PACRG: variants seen among roughly 807,000 people sequenced by gnomAD.
PACRG encodes the protein parkin coregulated.
PACRG carries 29 observed loss-of-function variants against 29.7 expected under a neutral mutation model. That is an observed-to-expected ratio of 0.98 (90% confidence interval 0.73 to 1.33). PACRG has a LOEUF of 1.33. PACRG is among the 40% of genes most tolerant of loss of function. The probability of loss-of-function intolerance (pLI) is 0.00; values close to 1 mark genes in which losing one functional copy is unlikely to be tolerated. For missense variants in PACRG, 279 were observed against 316.2 expected, an observed-to-expected ratio of 0.88 and a Z score of 0.89; for synonymous variants, 116 against 118.7, an observed-to-expected ratio of 0.98 and a Z score of 0.15.
chr6:162,767,429 G>T (rs1209980267), intron 1 of PACRG, among the ~76,000 whole-genome samples: 2 of 151,514 alleles, frequency 1.3e-5, no homozygotes, highest in Non-Finnish European at 3.0e-5. Context: ...CTTCCTTAAA[G>T]CCTATTTGCC....
chr6:163,220,291 A>C (rs1219393419), intron 4 of PACRG, among the ~76,000 whole-genome samples: 1 of 152,162 alleles, frequency 6.6e-6, no homozygotes, highest in Non-Finnish European at 1.5e-5. Context: ...CTCGTCTGTG[A>C]GTTTTTCCAT....
intron 4 of PACRG, among the ~76,000 whole-genome samples, chr6:163,096,640 C>A (rs918714680): frequency 1.3e-5 from 2 of 152,114 alleles, no homozygotes; most frequent in African/African-American, 4.8e-5. Flanking sequence ...CATTGACTTG[C>A]AGAGAACTAT....
At chr6:163,231,656 A>G (rs1782050020) in intron 4 of PACRG, among the ~76,000 whole-genome samples, 1 of 152,200 alleles carries the variant, frequency 6.6e-6, no homozygotes, top group Non-Finnish European at 1.5e-5. Flanking sequence ...GGCTGACTGC[A>G]TGCCTTCCCC....
intron 4 of PACRG, among the ~76,000 whole-genome samples, chr6:163,230,157 TAC>T (rs764256663): frequency 6.6e-6 from 1 of 152,198 alleles, no homozygotes; most frequent in Non-Finnish European, 1.5e-5. Flanking sequence ...CACCATGCAT[TAC>T]AGTTTTTAAA....
At chr6:163,244,756 T>C (rs1191022703) in intron 4 of PACRG, among the ~76,000 whole-genome samples, 3 of 152,234 alleles carry the variant, frequency 2.0e-5, no homozygotes, top group Non-Finnish European at 4.4e-5. Flanking sequence ...TGTAATCTTT[T>C]GGGAGAATAA....
chr6:162,985,866 T>A (rs1052157950), intron 2 of PACRG, among the ~76,000 whole-genome samples: 2 of 152,094 alleles, frequency 1.3e-5, no homozygotes, highest in African/African-American at 4.8e-5. Context: ...AGCTTCAGGA[T>A]GCAAAATTAA....
chr6:163,191,533 T>G (rs1780213345), intron 4 of PACRG: 1 of 408,430 alleles, frequency 2.4e-6, no homozygotes, highest in Admixed American at 2.6e-5. Context: ...AGGCATCCAC[T>G]TAGGTGGTTT....
At chr6:162,749,684 C>A (rs917698582) in intron 1 of PACRG, among the ~76,000 whole-genome samples, 1 of 152,008 alleles carries the variant, frequency 6.6e-6, no homozygotes, top group Non-Finnish European at 1.5e-5. Context: ...CCATGCCCAA[C>A]TGATTTTGTA....
At chr6:163,219,331 A>T (rs1414821051) in intron 4 of PACRG, among the ~76,000 whole-genome samples, 1 of 152,178 alleles carries the variant, frequency 6.6e-6, no homozygotes, top group Non-Finnish European at 1.5e-5. Flanking sequence ...AGCAAAGCTC[A>T]TGGGCTCTGC....
At chr6:163,274,861 C>CTTTTTTTTTTTTTTT (rs58333018) in intron 4 of PACRG, among the ~76,000 whole-genome samples, 5 of 126,316 alleles carry the variant, frequency 4.0e-5, no homozygotes, top group Non-Finnish European at 6.4e-5. Context: ...TTCTTTCTTT[C>CTTTTTTTTTTTTTTT]TTTTTTTTTT....
At chr6:163,291,456 C>G in intron 4 of PACRG, among the ~76,000 whole-genome samples, 1 of 146,474 alleles carries the variant, frequency 6.8e-6, no homozygotes. Flanking sequence ...CCCCTCTGCC[C>G]GCCCGAGCTG....
intron 3 of PACRG, among the ~76,000 whole-genome samples, chr6:163,087,723 C>G (rs1425427292): frequency 1.6e-5 from 2 of 128,328 alleles, no homozygotes; most frequent in Non-Finnish European, 3.3e-5. Context: ...AGGACTGGAG[C>G]AGAGAGGGTG....
At chr6:163,106,197 T>C (rs981756307) in intron 4 of PACRG, among the ~76,000 whole-genome samples, 1 of 152,176 alleles carries the variant, frequency 6.6e-6, no homozygotes, top group Non-Finnish European at 1.5e-5. Context: ...AGGGAACTTA[T>C]AGGATTATTC....
At chr6:162,856,166 C>T (rs537327021) in intron 2 of PACRG, among the ~76,000 whole-genome samples, 3 of 152,240 alleles carry the variant, frequency 2.0e-5, no homozygotes, top group Admixed American at 1.3e-4. Flanking sequence ...AAAAGAGATC[C>T]TCCCACCTCA....
At chr6:163,100,561 A>C (rs937245640) in intron 4 of PACRG, among the ~76,000 whole-genome samples, 2 of 152,050 alleles carry the variant, frequency 1.3e-5, no homozygotes, top group African/African-American at 4.8e-5. Flanking sequence ...GCGACTCTTT[A>C]AGCAGTTCTG....
chr6:163,111,177 T>C (rs575463512), intron 4 of PACRG, among the ~76,000 whole-genome samples: 1 of 152,326 alleles, frequency 6.6e-6, no homozygotes, highest in African/African-American at 2.4e-5. Flanking sequence ...CTGGGTTCCA[T>C]TGCAGATAAC....
intron 3 of PACRG, 52 bp downstream of exon 3, chr6:163,062,373 G>C: frequency 6.6e-7 from 1 of 1,521,150 alleles, no homozygotes; most frequent in Non-Finnish European, 8.8e-7. Context: ...GTTGCTTTTT[G>C]ACAACTTGCT....
intron 2 of PACRG, among the ~76,000 whole-genome samples, chr6:162,989,355 G>A (rs374768268): frequency 3.3e-5 from 5 of 152,274 alleles, no homozygotes; most frequent in African/African-American, 1.2e-4. Context: ...CATAATGGCA[G>A]ATGGAGATAA....
chr6:163,311,060 T>G (rs1313522557), intron 4 of PACRG: 1 of 152,224 alleles, frequency 6.6e-6, no homozygotes, highest in Non-Finnish European at 1.5e-5. Flanking sequence ...ATATTATTCA[T>G]GCTTAAACTG....
Sources: gnomAD v4.1 joint callset for allele counts (sites outside exome capture counted in the v4.1 genomes callset) on GRCh38, gnomAD v4.1.1 for gene constraint, MANE v1.5 for transcripts, NCBI Gene and HGNC (gene_info 2026-07-23, HGNC 2026-07-21) for gene names.